Variants in USO1 observed in about 807,000 individuals in gnomAD.
USO1 encodes general vesicular transport factor p115.
A neutral mutation model predicts 124.5 loss-of-function variants in USO1; 57 were observed. That is an observed-to-expected ratio of 0.46 (90% CI 0.37 to 0.57). USO1 has a LOEUF of 0.57. Ranked by LOEUF, USO1 falls within the 20% of genes least tolerant of loss-of-function variation. USO1 has a pLI of 0.00. For synonymous variants in USO1, 369 were observed against 362.8 expected (o/e 1.02, Z -0.19); for missense variants, 900 against 1,040.6 (o/e 0.86, Z 1.86).
chr4:75,750,073 A>T (rs1316146323), intron 1 of USO1, among the ~76,000 whole-genome samples: 3 of 152,110 alleles, frequency 2.0e-5, no homozygotes, highest in African/African-American at 7.2e-5. Context: ...TCTTCATCAG[A>T]TGTTTTCCAA....
At chr4:75,734,436 A>G (rs1271535515) in intron 1 of USO1, among the ~76,000 whole-genome samples, 1 of 152,156 alleles carries the variant, frequency 6.6e-6, no homozygotes, top group African/African-American at 2.4e-5. Context: ...GTCAAAGATC[A>G]GATGGTTGTA....
intron 1 of USO1, among the ~76,000 whole-genome samples, chr4:75,749,113 T>C (rs771297669): frequency 6.6e-6 from 1 of 152,290 alleles, no homozygotes; most frequent in East Asian, 1.9e-4. Context: ...GTTATCCTGC[T>C]ATATCTGCTA....
chr4:75,767,392 TAAAC>T (rs1721795070), intron 4 of USO1: 1 of 411,988 alleles, frequency 2.4e-6, no homozygotes, highest in Non-Finnish European at 4.8e-6. Flanking sequence ...CATATGTAAA[TAAAC>T]AATTTGATGA....
intron 1 of USO1, among the ~76,000 whole-genome samples, chr4:75,747,602 C>CTTTTTTTT (rs59636038): frequency 1.8e-4 from 15 of 83,692 alleles, no homozygotes; most frequent in East Asian, 9.5e-4. Flanking sequence ...TCACCTTTGA[C>CTTTTTTTT]TTTTTTTTTT....
At chr4:75,771,251 C>G (rs1449527193) in intron 7 of USO1, 114 bp downstream of exon 7, 1 of 1,232,702 alleles carries the variant, frequency 8.1e-7, no homozygotes, top group African/African-American at 1.5e-5. Flanking sequence ...GAGTAATGAC[C>G]TTTTTTTAAA....
In USO1 at chr4:75,734,384, G is replaced by A. The variant is rs1265839661; in HGVS notation, c.66+9499G>A. On this transcript the variant is annotated intron_variant, in intron 1 of 23. Coordinates refer to ENST00000514213, the MANE Select transcript of USO1 (RefSeq NM_003715.4). ...TCCAGTTATCCCAGCACCATTTATT[G>A]GATAGGTAGTCCTTTCTCCATTGCT... 2.0e-5 allele frequency among the ~76,000 whole-genome samples: 3 copies of A among 152,138 alleles called. No homozygotes were observed. The East Asian group carries it at 5.8e-4, about 29-fold the overall frequency.
At chr4:75,811,668 G>T (rs979407864) in intron 22 of USO1, among the ~76,000 whole-genome samples, 2 of 152,146 alleles carry the variant, frequency 1.3e-5, no homozygotes, top group African/African-American at 4.8e-5. Flanking sequence ...GGAAAATAAT[G>T]TATAATTGTG....
intron 13 of USO1, among the ~76,000 whole-genome samples, chr4:75,796,498 G>A (rs1722685665): frequency 6.6e-6 from 1 of 151,766 alleles, no homozygotes; most frequent in African/African-American, 2.4e-5. Context: ...ACCACACCCA[G>A]CGAATTTTTG....
At chr4:75,794,056 G>A (rs552278288) in intron 13 of USO1, among the ~76,000 whole-genome samples, 155 bp downstream of exon 13, 159 of 152,272 alleles carry the variant, frequency 1.0e-3, no homozygotes, top group African/African-American at 3.7e-3. Flanking sequence ...TGGAGAAAAA[G>A]CAATAAATAC....
intron 4 of USO1, among the ~76,000 whole-genome samples, chr4:75,769,953 A>T (rs1322220824): frequency 6.6e-6 from 1 of 152,146 alleles, no homozygotes; most frequent in East Asian, 1.9e-4. Context: ...TAATTAAATT[A>T]TTTAACCCAG....
intron 9 of USO1, 137 bp from the exon 10 acceptor site, chr4:75,786,925 G>A (rs1722378021): frequency 1.2e-5 from 13 of 1,098,960 alleles, no homozygotes; most frequent in African/African-American, 1.6e-5. Flanking sequence ...ATGGGAGCAC[G>A]AAAGAAAGAG....
chr4:75,750,603 C>A (rs963851691), intron 1 of USO1, among the ~76,000 whole-genome samples: 83,161 of 151,758 alleles, frequency 0.55, 24,059 homozygotes, highest in East Asian at 0.81. Flanking sequence ...CCTGCCTCAG[C>A]TTCCCGAGTA....
intron 4 of USO1, among the ~76,000 whole-genome samples, chr4:75,763,623 T>C (rs1294068522): frequency 6.6e-6 from 1 of 152,164 alleles, no homozygotes; most frequent in Non-Finnish European, 1.5e-5. Context: ...CTATATTAAA[T>C]TTATTTTTAC....
chr4:75,812,704 G>A (rs1407288337), intron 23 of USO1, among the ~76,000 whole-genome samples: 3 of 152,298 alleles, frequency 2.0e-5, no homozygotes, highest in East Asian at 3.9e-4. Flanking sequence ...GTAAAGAGGT[G>A]TAGCCATTTA....
At chr4:75,790,918 AAAAAAC>A (rs1722511172) in intron 12 of USO1, 121 bp downstream of exon 12, 14 of 1,234,638 alleles carry the variant, frequency 1.1e-5, no homozygotes, top group Non-Finnish European at 1.5e-5. Context: ...AGAGAAAAAA[AAAAAAC>A]AAAAACACCT....
At chr4:75,741,264 A>G (rs901333564) in intron 1 of USO1, among the ~76,000 whole-genome samples, 2 of 152,230 alleles carry the variant, frequency 1.3e-5, no homozygotes, top group African/African-American at 2.4e-5. Flanking sequence ...GTATGCCTAT[A>G]TAGGTCGCTT....
intron 8 of USO1, among the ~76,000 whole-genome samples, chr4:75,776,146 C>T (rs1233879092): frequency 5.3e-5 from 8 of 152,120 alleles, no homozygotes; most frequent in Non-Finnish European, 4.4e-5. Flanking sequence ...AGCCATATAG[C>T]CAAGCCTCAA....
At position 75,801,954 on chromosome 4, in the gene USO1, G is replaced by C. The variant is rs1272327301; in HGVS notation, c.1986+754G>C. Among the ~76,000 whole-genome samples the C allele has an allele frequency of 2.0e-5, 3 of 152,158 alleles. No homozygotes were observed. The East Asian group carries it at 5.8e-4, about 29-fold the overall frequency. On this transcript the variant is annotated intron_variant, in intron 17 of 23. Coordinates refer to ENST00000514213, the MANE Select transcript of USO1 (RefSeq NM_003715.4). ...CTTGCCTCAGCCTCGCAAGTAGCTG[G>C]GATTATAGGCGTGTGCCACCACGCT...
chr4:75,749,142 A>G (rs1721224593), intron 1 of USO1, among the ~76,000 whole-genome samples: 1 of 152,146 alleles, frequency 6.6e-6, no homozygotes, highest in Non-Finnish European at 1.5e-5. Flanking sequence ...AATGCAAATC[A>G]GCAATTGTAA....
Sources: allele counts gnomAD v4.1 joint callset (sites outside exome capture counted in the v4.1 genomes callset), GRCh38; gene constraint gnomAD v4.1.1; transcripts MANE v1.5; gene names NCBI Gene and HGNC (gene_info 2026-07-23, HGNC 2026-07-21).